The following SHROOM3 variants were observed in gnomAD, a reference collection of about 807,000 sequenced individuals.
SHROOM3 encodes shroom family member 3.
A neutral mutation model predicts 138.6 loss-of-function variants in SHROOM3; 47 were observed. The ratio of observed to expected loss-of-function variants is 0.34; its 90% CI spans 0.27 to 0.43. The LOEUF is 0.43. SHROOM3 is among the 20% of genes least tolerant of loss of function. The pLI, the probability that SHROOM3 is intolerant of heterozygous loss-of-function variation, is 1.00. For synonymous variants in SHROOM3, 1,062 were observed against 1,063.3 expected (o/e 1.00, Z 0.02); for missense variants, 2,491 against 2,596.5 (o/e 0.96, Z 0.88).
Position 76,449,792 on chromosome 4 carries a change from T to G in SHROOM3, c.168+13572T>G, listed in dbSNP as rs919672466. The stretch of plus-strand genomic sequence containing the variant: ...AAAGAGAAACTAAATATGCTTCCAG[T>G]CCTCTCTTTTCTAAATTCATATTTG... On this transcript the variant is annotated intron_variant, in intron 1 of 10. Coordinates refer to ENST00000296043, the MANE Select transcript of SHROOM3 (RefSeq NM_020859.4). Among the ~76,000 whole-genome samples the G allele has an allele frequency of 4.6e-5, 7 of 152,314 alleles. No homozygotes were observed. In the East Asian group the frequency reaches 1.2e-3, roughly 25 times the overall value.
rs1038492934 is a variant in SHROOM3 at position 76,657,531 on chromosome 4, T to A, written c.324-52625T>A. ...TGCTCATTACTAGCGCTAACATTTTTAAATGGAATATCTGTTACTCATTTA... is the reference window on the plus strand; with the variant it reads ...TGCTCATTACTAGCGCTAACATTTTAAAATGGAATATCTGTTACTCATTTA... On this transcript the variant is annotated intron_variant, in intron 2 of 10. Coordinates refer to ENST00000296043, the MANE Select transcript of SHROOM3 (RefSeq NM_020859.4). 2.4e-4 allele frequency among the ~76,000 whole-genome samples: 37 copies of A among 152,226 alleles called. 1 individual carries two copies. The highest frequency in any genetic ancestry group is 1.2e-3 in the Admixed American group (18 of 15,278).
At chr4:76,570,500 CTTTCCA>C (rs1733813623) in intron 2 of SHROOM3, among the ~76,000 whole-genome samples, 1 of 152,184 alleles carries the variant, frequency 6.6e-6, no homozygotes, top group Admixed American at 6.5e-5. Flanking sequence ...TCCTCGTCAC[CTTTCCA>C]TCACTGTCTC....
intron 1 of SHROOM3, among the ~76,000 whole-genome samples, chr4:76,491,487 A>G (rs973955792): frequency 1.3e-5 from 2 of 152,212 alleles, no homozygotes; most frequent in Non-Finnish European, 2.9e-5. Context: ...AGATCCAGTC[A>G]TGAGGCACAG....
chr4:76,498,119 C>CTGTATGT (rs1732008039), intron 1 of SHROOM3, among the ~76,000 whole-genome samples: 1 of 152,126 alleles, frequency 6.6e-6, no homozygotes, highest in Non-Finnish European at 1.5e-5. Context: ...TTGTATTTCC[C>CTGTATGT]TGGATTGTGA....
At chr4:76,449,618 T>C (rs1730883493) in intron 1 of SHROOM3, among the ~76,000 whole-genome samples, 1 of 152,242 alleles carries the variant, frequency 6.6e-6, no homozygotes, top group Admixed American at 6.5e-5. Flanking sequence ...CCTTGTTTTT[T>C]GCTTGAGTTC....
chr4:76,608,528 G>GGCATA (rs66571570), intron 2 of SHROOM3, among the ~76,000 whole-genome samples: 2,637 of 113,386 alleles, frequency 0.023, 240 homozygotes, highest in East Asian at 0.031. Flanking sequence ...GGACAGAGAT[G>GGCATA]GCATAGCATA....
chr4:76,447,745 G>C (rs1230938669), intron 1 of SHROOM3, among the ~76,000 whole-genome samples: 1 of 152,192 alleles, frequency 6.6e-6, no homozygotes, highest in East Asian at 1.9e-4. Flanking sequence ...AAGAGAATGA[G>C]TGTTATTCTT....
chr4:76,772,842 C>T (rs1469165469), intron 10 of SHROOM3, among the ~76,000 whole-genome samples: 2 of 152,114 alleles, frequency 1.3e-5, no homozygotes, highest in African/African-American at 4.8e-5. Flanking sequence ...TAATGAGAAA[C>T]TCAGCCACCA....
intron 4 of SHROOM3, among the ~76,000 whole-genome samples, chr4:76,735,947 C>T (rs1721058764): frequency 1.4e-5 from 2 of 138,270 alleles, no homozygotes; most frequent in Admixed American, 1.5e-4. Context: ...TTTCAGTTAA[C>T]CATCAGTTTA....
chr4:76,682,542 T>C (rs1163770091), intron 2 of SHROOM3, among the ~76,000 whole-genome samples: 2 of 152,042 alleles, frequency 1.3e-5, no homozygotes, highest in Non-Finnish European at 2.9e-5. Context: ...GGGTTGGACC[T>C]CATCCATCTT....
chr4:76,561,198 T>C (rs1255696038), intron 2 of SHROOM3, among the ~76,000 whole-genome samples: 2 of 152,166 alleles, frequency 1.3e-5, no homozygotes, highest in Non-Finnish European at 2.9e-5. Context: ...ACCTTTCCCC[T>C]TCCCATCAAT....
intron 2 of SHROOM3, among the ~76,000 whole-genome samples, chr4:76,556,954 C>G (rs894413486): frequency 6.6e-6 from 1 of 152,126 alleles, no homozygotes; most frequent in Non-Finnish European, 1.5e-5. Flanking sequence ...ACAGGGCCAT[C>G]AACCAGCAAT....
chr4:76,689,358 G>A (rs1396593764), intron 2 of SHROOM3, among the ~76,000 whole-genome samples: 2 of 103,834 alleles, frequency 1.9e-5, no homozygotes, highest in Non-Finnish European at 2.3e-5. Context: ...TGGCGAGCGA[G>A]CGCCGAGCCA....
chr4:76,601,141 A>G (rs17002123), intron 2 of SHROOM3, among the ~76,000 whole-genome samples: 7,291 of 152,328 alleles, frequency 0.048, 570 homozygotes, highest in African/African-American at 0.16. Flanking sequence ...GCTGTAAAAC[A>G]GAAATAAAAT....
At chr4:76,689,633 A>G (rs1719453585) in intron 2 of SHROOM3, 3 of 985,276 alleles carry the variant, frequency 3.0e-6, no homozygotes, top group East Asian at 1.1e-4. Context: ...GCGGCGGCGA[A>G]GTTTGAACTT....
intron 2 of SHROOM3, among the ~76,000 whole-genome samples, chr4:76,641,253 G>A (rs755005998): frequency 6.6e-5 from 10 of 152,202 alleles, no homozygotes; most frequent in Admixed American, 3.3e-4. Context: ...TGGATGGACA[G>A]GAAGGATGCC....
chr4:76,562,200 G>T (rs1458382971), intron 2 of SHROOM3, among the ~76,000 whole-genome samples: 1 of 152,174 alleles, frequency 6.6e-6, no homozygotes, highest in African/African-American at 2.4e-5. Context: ...CTCTGGAAAT[G>T]AAACTCTGGG....
At chr4:76,614,273 T>C (rs6532513) in intron 2 of SHROOM3, among the ~76,000 whole-genome samples, 96,173 of 151,718 alleles carry the variant, frequency 0.63, 30,870 homozygotes, top group East Asian at 0.94. Flanking sequence ...CCAGGATGCT[T>C]TCGATCTGCT....
chr4:76,694,203 T>G (rs1421694719), intron 2 of SHROOM3, among the ~76,000 whole-genome samples: 1 of 152,186 alleles, frequency 6.6e-6, no homozygotes, highest in African/African-American at 2.4e-5. Flanking sequence ...TGTCAAACAT[T>G]TACTGAGAAC....
Sources: gnomAD v4.1 joint callset for allele counts (sites outside exome capture counted in the v4.1 genomes callset) on GRCh38, gnomAD v4.1.1 for gene constraint, MANE v1.5 for transcripts, NCBI Gene and HGNC (gene_info 2026-07-23, HGNC 2026-07-21) for gene names.